Variants in GRIN2A observed in about 807,000 individuals in gnomAD.
GRIN2A encodes glutamate ionotropic receptor NMDA type subunit 2A, also known as glutamate receptor ionotropic, NMDA 2A.
Under a neutral mutation model 113.4 loss-of-function variants are expected in GRIN2A, and 22 were observed. The observed-to-expected ratio is 0.19, with a 90% CI of 0.14 to 0.28. The LOEUF (loss-of-function observed/expected upper bound fraction) is 0.28, where lower values mean the gene tolerates loss of function less well. Among genes scored for constraint, GRIN2A ranks in the 10% least tolerant of loss-of-function variants. The probability of loss-of-function intolerance (pLI) is 1.00; values close to 1 mark genes in which losing one functional copy is unlikely to be tolerated. For missense variants in GRIN2A, 1,502 were observed against 1,887.0 expected, an observed-to-expected ratio of 0.80 and a Z score of 3.78; for synonymous variants, 827 against 738.4, an observed-to-expected ratio of 1.12 and a Z score of -1.94.
intron 3 of GRIN2A, among the ~76,000 whole-genome samples, chr16:9,895,677 C>T (rs138788826): frequency 2.0e-5 from 3 of 152,278 alleles, no homozygotes; most frequent in Non-Finnish European, 2.9e-5. Flanking sequence ...CAAAAACTAC[C>T]GACAAAGACC....
chr16:10,020,001 G>C (rs837708), intron 2 of GRIN2A, among the ~76,000 whole-genome samples: 1 of 152,124 alleles, frequency 6.6e-6, no homozygotes, highest in Non-Finnish European at 1.5e-5. Flanking sequence ...CGATGGTGGT[G>C]ATCATTTCAC....
At chr16:10,060,009 T>C (rs1215789458) in intron 2 of GRIN2A, among the ~76,000 whole-genome samples, 2 of 152,072 alleles carry the variant, frequency 1.3e-5, no homozygotes, top group Admixed American at 6.6e-5. Context: ...GTTCAGAAGC[T>C]GGGTCGCTTG....
intron 11 of GRIN2A, among the ~76,000 whole-genome samples, chr16:9,773,746 C>T (rs947097912): frequency 6.6e-6 from 1 of 152,182 alleles, no homozygotes; most frequent in Non-Finnish European, 1.5e-5. Flanking sequence ...CCTGTTCTTC[C>T]TATATCTGTT....
chr16:10,119,610 C>T (rs540503316), intron 2 of GRIN2A, among the ~76,000 whole-genome samples: 1 of 152,274 alleles, frequency 6.6e-6, no homozygotes, highest in African/African-American at 2.4e-5. Flanking sequence ...GGTACATGTG[C>T]AGGTTATATA....
At chr16:10,013,145 C>T (rs2046540946) in intron 2 of GRIN2A, among the ~76,000 whole-genome samples, 1 of 152,134 alleles carries the variant, frequency 6.6e-6, no homozygotes, top group Non-Finnish European at 1.5e-5. Context: ...ACCCCCAAAC[C>T]TAAAATAAAA....
intron 2 of GRIN2A, among the ~76,000 whole-genome samples, chr16:9,974,025 A>T (rs1385010403): frequency 6.6e-6 from 1 of 152,026 alleles, no homozygotes; most frequent in Non-Finnish European, 1.5e-5. Flanking sequence ...AGCATAAAAG[A>T]CTCTTCTTTT....
At chr16:9,788,636 C>A (rs943642826) in intron 11 of GRIN2A, among the ~76,000 whole-genome samples, 1 of 151,766 alleles carries the variant, frequency 6.6e-6, no homozygotes, top group Non-Finnish European at 1.5e-5. Flanking sequence ...TCATATATCT[C>A]TATCCCTTTT....
At chr16:9,954,977 G>A (rs1374400335) in intron 2 of GRIN2A, among the ~76,000 whole-genome samples, 3 of 152,122 alleles carry the variant, frequency 2.0e-5, no homozygotes, top group Admixed American at 1.3e-4. Flanking sequence ...GTGATGATGT[G>A]GTTTCCATCA....
At chr16:9,913,546 T>A (rs2044185160) in intron 3 of GRIN2A, among the ~76,000 whole-genome samples, 1 of 152,218 alleles carries the variant, frequency 6.6e-6, no homozygotes, top group South Asian at 2.1e-4. Flanking sequence ...GGGTCCAACA[T>A]CGGCTAGGCA....
intron 10 of GRIN2A, among the ~76,000 whole-genome samples, chr16:9,816,204 G>T (rs548218623): frequency 6.6e-6 from 1 of 152,162 alleles, no homozygotes; most frequent in Non-Finnish European, 1.5e-5. Context: ...TGTACCACAC[G>T]ATGAATGCAT....
intron 3 of GRIN2A, among the ~76,000 whole-genome samples, chr16:9,913,751 T>C (rs1280010439): frequency 1.3e-5 from 2 of 152,228 alleles, no homozygotes; most frequent in Non-Finnish European, 2.9e-5. Context: ...TATTTGATGT[T>C]CTAGGTCCAA....
chr16:10,078,689 C>T (rs2047923235), intron 2 of GRIN2A, among the ~76,000 whole-genome samples: 1 of 152,186 alleles, frequency 6.6e-6, no homozygotes, highest in African/African-American at 2.4e-5. Context: ...GAATCTCCTC[C>T]TTTCTCTGTC....
intron 2 of GRIN2A, among the ~76,000 whole-genome samples, chr16:9,955,326 T>C (rs2045279133): frequency 6.6e-6 from 1 of 152,226 alleles, no homozygotes; most frequent in Admixed American, 6.5e-5. Context: ...GCTTGTCTTG[T>C]TCCAGGTTCC....
intron 2 of GRIN2A, among the ~76,000 whole-genome samples, chr16:10,013,856 T>C (rs1397378691): frequency 1.3e-5 from 2 of 152,244 alleles, no homozygotes; most frequent in Non-Finnish European, 2.9e-5. Context: ...CTCCTTCCTC[T>C]TCCTAGAAAT....
In GRIN2A at chr16:9,849,745, C is replaced by T; in HGVS notation, c.1328+11G>A. On this transcript the variant is annotated intron_variant, in intron 5 of 12. Coordinates refer to ENST00000330684, the MANE Select transcript of GRIN2A (RefSeq NM_001134407.3). Reference sequence around the variant, plus strand: ...TGGGCACGTTCAGGTGACAGCATTCCTGCCACTCACTTGATTTTGACGAAC... The same window carrying T: ...TGGGCACGTTCAGGTGACAGCATTCTTGCCACTCACTTGATTTTGACGAAC... 6.2e-7 allele frequency: 1 copy of T among 1,608,028 alleles called. No individual in the cohort carries two copies.
At chr16:10,142,621 C>T (rs2049350276) in intron 2 of GRIN2A, among the ~76,000 whole-genome samples, 1 of 152,160 alleles carries the variant, frequency 6.6e-6, no homozygotes, top group Non-Finnish European at 1.5e-5. Flanking sequence ...ATTGCTTGAG[C>T]CCAGGAGTTC....
chr16:10,077,300 T>A (rs528098828), intron 2 of GRIN2A, among the ~76,000 whole-genome samples: 1 of 152,270 alleles, frequency 6.6e-6, no homozygotes, highest in East Asian at 1.9e-4. Context: ...AGGGAAAAAA[T>A]ACTAATAGGA....
At chr16:10,080,227 A>T (rs576120280) in intron 2 of GRIN2A, among the ~76,000 whole-genome samples, 1 of 152,248 alleles carries the variant, frequency 6.6e-6, no homozygotes, top group East Asian at 1.9e-4. Flanking sequence ...TGTGGTTCTC[A>T]CTCCCAAGGC....
At position 9,830,363 on chromosome 16, in the gene GRIN2A, T is replaced by C. The variant is rs551532556; in HGVS notation, c.1778-711A>G. On this transcript the variant is annotated intron_variant, in intron 8 of 12. Transcript: ENST00000330684. ...CAGCCCTTTTAAGATTCTTAAATGTTCCTTGCAACAGACTTAACTAAAGAG... is the reference window on the plus strand; with the variant it reads ...CAGCCCTTTTAAGATTCTTAAATGTCCCTTGCAACAGACTTAACTAAAGAG... 2.6e-5 allele frequency among the ~76,000 whole-genome samples: 4 copies of C among 152,204 alleles called. No homozygotes were observed. In the East Asian group the frequency reaches 7.7e-4, roughly 29 times the overall value.
Sources: allele counts gnomAD v4.1 joint callset (sites outside exome capture counted in the v4.1 genomes callset), GRCh38; gene constraint gnomAD v4.1.1; transcripts MANE v1.5; gene names NCBI Gene and HGNC (gene_info 2026-07-23, HGNC 2026-07-21).